Variants in FAM135B observed in about 807,000 individuals in gnomAD.
FAM135B encodes family with sequence similarity 135 member B.
In FAM135B, 43 loss-of-function variants were observed where a neutral mutation model predicts 127.7. That is an observed-to-expected ratio of 0.34 (90% CI 0.26 to 0.43). FAM135B has a LOEUF of 0.43. FAM135B is among the 20% of genes least tolerant of loss of function. FAM135B has a pLI of 1.00. For synonymous variants in FAM135B, 670 were observed against 665.1 expected, an observed-to-expected ratio of 1.01 and a Z score of -0.11; for missense variants, 1,558 against 1,725.6, an observed-to-expected ratio of 0.90 and a Z score of 1.72.
At chr8:138,153,259 T>C (rs1563697143) in intron 12 of FAM135B, 43 bp from the exon 13 acceptor site, 1 of 1,428,058 alleles carries the variant, frequency 7.0e-7, no homozygotes, top group Admixed American at 2.4e-5. Flanking sequence ...AGTGTAAGAA[T>C]CTGTGTTTAC....
At chr8:138,201,347 TAAGAA>T (rs1007552228) in intron 7 of FAM135B, among the ~76,000 whole-genome samples, 6 of 152,134 alleles carry the variant, frequency 3.9e-5, no homozygotes, top group African/African-American at 1.4e-4. Context: ...AGGGACACTT[TAAGAA>T]AACTTTGGGG....
rs114192411 is a variant in FAM135B, at chr8:138,429,163, C to T, written c.-19-61161G>A. On this transcript the variant is annotated intron_variant, in intron 1 of 19. Coordinates refer to ENST00000395297, the MANE Select transcript of FAM135B (RefSeq NM_015912.4). Reference sequence around the variant, plus strand: ...TAGTTGATGAGGTCTGGGAAGGTTTCCTATTCCTTAGGTAAAATTAAGAAA... The same window carrying T: ...TAGTTGATGAGGTCTGGGAAGGTTTTCTATTCCTTAGGTAAAATTAAGAAA... Among the ~76,000 whole-genome samples, 1,023 of 152,216 alleles carry T rather than the reference C, an allele frequency of 6.7e-3. 12 individuals carry two copies. Among genetic ancestry groups the T allele is most frequent in the African/African-American group, 0.024 (980 of 41,518 alleles).
chr8:138,382,446 A>G (rs1344830457), intron 1 of FAM135B, among the ~76,000 whole-genome samples: 1 of 152,102 alleles, frequency 6.6e-6, no homozygotes, highest in Non-Finnish European at 1.5e-5. Flanking sequence ...ATAGTCTCAC[A>G]GGGATATGGG....
intron 3 of FAM135B, among the ~76,000 whole-genome samples, chr8:138,274,962 A>T (rs1823701155): frequency 6.6e-6 from 1 of 152,058 alleles, no homozygotes; most frequent in Non-Finnish European, 1.5e-5. Flanking sequence ...CAATTATTAC[A>T]GGGTCCTGAG....
At chr8:138,313,885 C>G in intron 2 of FAM135B, among the ~76,000 whole-genome samples, 1 of 150,920 alleles carries the variant, frequency 6.6e-6, no homozygotes, top group Non-Finnish European at 1.5e-5. Context: ...GACATGAACA[C>G]AGTGGTAAAA....
intron 1 of FAM135B, among the ~76,000 whole-genome samples, chr8:138,481,648 C>A (rs562438897): frequency 6.6e-6 from 1 of 152,328 alleles, no homozygotes; most frequent in African/African-American, 2.4e-5. Flanking sequence ...GCGGCTGTAA[C>A]ACAGCCAGCC....
chr8:138,247,057 G>A (rs572571600), intron 6 of FAM135B, among the ~76,000 whole-genome samples: 2 of 152,164 alleles, frequency 1.3e-5, no homozygotes, highest in Non-Finnish European at 2.9e-5. Context: ...CCCAATGCCT[G>A]TACCCCCAAT....
At chr8:138,146,531 A>G (rs112539230) in intron 14 of FAM135B, among the ~76,000 whole-genome samples, 1,587 of 152,264 alleles carry the variant, frequency 0.01, 27 homozygotes, top group African/African-American at 0.036. Flanking sequence ...ATCATGGCAC[A>G]GTTATCTAAA....
rs762232954 is a variant in FAM135B at position 138,152,704 on chromosome 8, C to T, written c.1771G>A (p.Gly591Arg). Residue 591 changes from glycine (G) to arginine (R), a missense_variant, in exon 13 of 20, where the codon GGG becomes AGG. By Grantham distance (125) the Gly-to-Arg change is moderately radical. Around this residue, in one of 5 missense-constraint regions of FAM135B, gnomAD observed 923 missense variants for 865.3 expected, o/e 1.07. Transcript: ENST00000395297. ...CCACCTACTACCACTTTGCTTAGCC[C>T]AGTCCTGTCTAATCCATACTTATCT... Reference protein sequence around the residue: ...SRDKYGLDRTGLSKVVVGGSH... With the variant: ...SRDKYGLDRTRLSKVVVGGSH... 10 of 1,614,060 alleles carry T rather than the reference C, an allele frequency of 6.2e-6. No individual in the cohort carries two copies. The highest frequency in any genetic ancestry group is 1.6e-4 in the Middle Eastern group (1 of 6,084).
At chr8:138,348,179 G>T (rs866928888) in intron 2 of FAM135B, among the ~76,000 whole-genome samples, 1 of 110,506 alleles carries the variant, frequency 9.0e-6, no homozygotes, top group Admixed American at 1.3e-4. Flanking sequence ...TTGTTGCCCA[G>T]GCTGGAGTGC....
At chr8:138,383,504 C>T (rs1186732040) in intron 1 of FAM135B, among the ~76,000 whole-genome samples, 2 of 152,170 alleles carry the variant, frequency 1.3e-5, no homozygotes, top group African/African-American at 4.8e-5. Flanking sequence ...TATTTCTATT[C>T]ATAATTTATA....
At chr8:138,163,403 G>T (rs1819596820) in intron 12 of FAM135B, among the ~76,000 whole-genome samples, 1 of 152,056 alleles carries the variant, frequency 6.6e-6, no homozygotes, top group African/African-American at 2.4e-5. Context: ...ACATGTTTAG[G>T]CCATGTGATA....
intron 2 of FAM135B, among the ~76,000 whole-genome samples, chr8:138,312,874 G>A (rs1361447047): frequency 2.6e-5 from 4 of 152,116 alleles, no homozygotes; most frequent in Non-Finnish European, 5.9e-5. Context: ...CCACCACCCC[G>A]CAGTAATGAG....
chr8:138,154,672 T>C (rs1818535063), intron 12 of FAM135B, among the ~76,000 whole-genome samples: 1 of 151,912 alleles, frequency 6.6e-6, no homozygotes, highest in Non-Finnish European at 1.5e-5. Context: ...GCCGATTCAA[T>C]CAAGTGGAAG....
chr8:138,260,187 A>C (rs942557886), intron 4 of FAM135B, among the ~76,000 whole-genome samples: 1 of 152,126 alleles, frequency 6.6e-6, no homozygotes, highest in African/African-American at 2.4e-5. Context: ...CCTGGCCTTT[A>C]ATCTTTACCC....
intron 2 of FAM135B, among the ~76,000 whole-genome samples, chr8:138,353,422 G>T (rs1829898302): frequency 6.6e-6 from 1 of 151,986 alleles, no homozygotes; most frequent in Non-Finnish European, 1.5e-5. Context: ...TTTAGCCTTG[G>T]GATGCTCCCA....
At chr8:138,378,761 T>G (rs1831651185) in intron 1 of FAM135B, among the ~76,000 whole-genome samples, 1 of 151,834 alleles carries the variant, frequency 6.6e-6, no homozygotes. Flanking sequence ...CTGAAGACAG[T>G]GCAAATAGAA....
intron 1 of FAM135B, among the ~76,000 whole-genome samples, chr8:138,384,112 G>A (rs1027882336): frequency 6.6e-6 from 1 of 152,220 alleles, no homozygotes; most frequent in Admixed American, 6.5e-5. Context: ...GAGCCACATG[G>A]ACACAATCTC....
intron 1 of FAM135B, among the ~76,000 whole-genome samples, chr8:138,392,902 G>A (rs989853321): frequency 3.3e-5 from 5 of 152,172 alleles, no homozygotes; most frequent in African/African-American, 9.6e-5. Context: ...CTTAATCGGT[G>A]TTGTATTAGT....
Sources: gnomAD v4.1 joint callset for allele counts (sites outside exome capture counted in the v4.1 genomes callset) on GRCh38, gnomAD v4.1.1 for gene constraint, gnomAD v4.1.1 regional missense constraint, MANE v1.5 for transcripts, NCBI Gene and HGNC (gene_info 2026-07-23, HGNC 2026-07-21) for gene names.